The following ZNF407 variants were observed in gnomAD, a reference collection of about 807,000 sequenced individuals.
The protein encoded by ZNF407 is zinc finger protein 407.
In ZNF407, 17 loss-of-function variants were observed where a neutral mutation model predicts 131.2. The observed-to-expected ratio is 0.13, with a 90% CI of 0.09 to 0.19. The LOEUF (loss-of-function observed/expected upper bound fraction) is 0.19, where lower values mean the gene tolerates loss of function less well. Ranked by LOEUF, ZNF407 falls within the 10% of genes least tolerant of loss-of-function variation. The probability of loss-of-function intolerance (pLI) is 1.00; values close to 1 mark genes in which losing one functional copy is unlikely to be tolerated. For synonymous variants in ZNF407, 1,156 were observed against 1,062.0 expected (o/e 1.09, Z -1.72); for missense variants, 2,681 against 2,830.6 (o/e 0.95, Z 1.20).
intron 3 of ZNF407, among the ~76,000 whole-genome samples, chr18:74,763,835 G>A (rs1482221715): frequency 4.7e-5 from 7 of 147,842 alleles, no homozygotes; most frequent in Non-Finnish European, 7.4e-5. Flanking sequence ...TCAGCCTCCC[G>A]AGTAGCTGGG....
intron 1 of ZNF407, among the ~76,000 whole-genome samples, chr18:74,624,652 C>G (rs1188172930): frequency 6.6e-6 from 1 of 152,170 alleles, no homozygotes. Context: ...TAATATGGAG[C>G]CTTCTGTGAT....
At chr18:74,778,485 T>C (rs889290684) in intron 3 of ZNF407, among the ~76,000 whole-genome samples, 1 of 152,224 alleles carries the variant, frequency 6.6e-6, no homozygotes, top group Non-Finnish European at 1.5e-5. Flanking sequence ...ATACATATTT[T>C]ACTGTTTTTT....
At chr18:75,062,051 T>G (rs976045571) in intron 8 of ZNF407, 1 of 152,244 alleles carries the variant, frequency 6.6e-6, no homozygotes, top group Non-Finnish European at 1.5e-5. Context: ...TTGGGCAACC[T>G]GCTCTGTGAT....
chr18:74,875,656 AT>A (rs1223256361), intron 4 of ZNF407, among the ~76,000 whole-genome samples: 1 of 151,346 alleles, frequency 6.6e-6, no homozygotes, highest in Non-Finnish European at 1.5e-5. Flanking sequence ...TACGGACGTG[AT>A]TTTTTTTTAC....
At chr18:74,784,355 A>G (rs928288476) in intron 4 of ZNF407, among the ~76,000 whole-genome samples, 4 of 152,242 alleles carry the variant, frequency 2.6e-5, no homozygotes, top group Admixed American at 1.3e-4. Flanking sequence ...GTTTGCAAGT[A>G]TTTAGGCCTT....
intron 8 of ZNF407, among the ~76,000 whole-genome samples, chr18:74,949,054 CAG>C (rs1972185203): frequency 6.6e-6 from 1 of 152,106 alleles, no homozygotes; most frequent in Non-Finnish European, 1.5e-5. Flanking sequence ...CAAAAACAAA[CAG>C]AGAAGAACGC....
At chr18:74,770,277 A>C (rs1278486773) in intron 3 of ZNF407, among the ~76,000 whole-genome samples, 1 of 152,086 alleles carries the variant, frequency 6.6e-6, no homozygotes, top group Non-Finnish European at 1.5e-5. Context: ...GCTCACCTGT[A>C]GTATTAGTTA....
chr18:74,855,889 A>G (rs933525997), intron 4 of ZNF407, among the ~76,000 whole-genome samples: 1 of 152,182 alleles, frequency 6.6e-6, no homozygotes, highest in Non-Finnish European at 1.5e-5. Context: ...GCTTTATCCC[A>G]TTCAATTTGA....
At chr18:74,610,253 T>C (rs187146719) in intron 1 of ZNF407, among the ~76,000 whole-genome samples, 1 of 152,388 alleles carries the variant, frequency 6.6e-6, no homozygotes, top group African/African-American at 2.4e-5. Context: ...TGGAGCTGTG[T>C]AATCTAACAG....
intron 8 of ZNF407, among the ~76,000 whole-genome samples, chr18:74,941,613 T>C (rs923893272): frequency 6.6e-6 from 1 of 152,246 alleles, no homozygotes; most frequent in African/African-American, 2.4e-5. Flanking sequence ...TCAGAGTTGC[T>C]GAGAATGGTA....
rs1434248727 is a variant in ZNF407, at chr18:74,768,942, G to A, written c.4803-12486G>A. On this transcript the variant is annotated intron_variant, in intron 3 of 8. Transcript: ENST00000299687. ...CAGCCAGTGCAATGCTACAGTGTGT[G>A]TTCTGTCTGCCATCCTTCCTCTTGT... Among the ~76,000 whole-genome samples the A allele has an allele frequency of 3.9e-5, 6 of 152,266 alleles. No homozygotes were observed. In the South Asian group the frequency reaches 1.2e-3, roughly 32 times the overall value.
chr18:74,681,659 C>T (rs1966985999), intron 3 of ZNF407, among the ~76,000 whole-genome samples: 1 of 152,184 alleles, frequency 6.6e-6, no homozygotes, highest in Non-Finnish European at 1.5e-5. Context: ...ATATGTATGG[C>T]ATATGCTATT....
intron 1 of ZNF407, among the ~76,000 whole-genome samples, chr18:74,627,136 T>G (rs1983818044): frequency 6.6e-6 from 1 of 152,238 alleles, no homozygotes; most frequent in African/African-American, 2.4e-5. Flanking sequence ...GCACTGTTGC[T>G]TCGTAGGTTT....
intron 3 of ZNF407, among the ~76,000 whole-genome samples, chr18:74,667,076 C>T (rs892299127): frequency 3.9e-5 from 6 of 152,206 alleles, no homozygotes; most frequent in Non-Finnish European, 8.8e-5. Flanking sequence ...CATCTTGTCA[C>T]TTGATGATCT....
chr18:74,856,103 A>G (rs1970855643), intron 4 of ZNF407, among the ~76,000 whole-genome samples: 1 of 152,246 alleles, frequency 6.6e-6, no homozygotes, highest in Non-Finnish European at 1.5e-5. Context: ...GGAGAAGGAA[A>G]TAAAAGCAAC....
chr18:74,853,856 A>G (rs1970822921), intron 4 of ZNF407, among the ~76,000 whole-genome samples: 1 of 152,192 alleles, frequency 6.6e-6, no homozygotes, highest in African/African-American at 2.4e-5. Flanking sequence ...GGTAGTGCTA[A>G]TAGACCAGGA....
At chr18:74,936,765 C>T (rs567604636) in intron 8 of ZNF407, among the ~76,000 whole-genome samples, 4 of 152,192 alleles carry the variant, frequency 2.6e-5, no homozygotes, top group Non-Finnish European at 5.9e-5. Flanking sequence ...GATACCATCC[C>T]ATTTCAGAAA....
At chr18:74,967,120 A>G (rs1972418267) in intron 8 of ZNF407, among the ~76,000 whole-genome samples, 1 of 152,102 alleles carries the variant, frequency 6.6e-6, no homozygotes. Context: ...AAAGTATCCA[A>G]GCATATGCTT....
intron 3 of ZNF407, among the ~76,000 whole-genome samples, chr18:74,671,932 T>C (rs900353610): frequency 1.3e-5 from 2 of 152,190 alleles, no homozygotes; most frequent in Admixed American, 6.5e-5. Flanking sequence ...CTGGTGTAGA[T>C]GTACACGTTT....
Sources: allele counts gnomAD v4.1 joint callset (sites outside exome capture counted in the v4.1 genomes callset), GRCh38; gene constraint gnomAD v4.1.1; transcripts MANE v1.5; gene names NCBI Gene and HGNC (gene_info 2026-07-23, HGNC 2026-07-21).